The following C19orf25 variants were observed in gnomAD, a reference collection of about 807,000 sequenced individuals.
The protein encoded by C19orf25 is UPF0449 protein C19orf25.
In C19orf25, 1 loss-of-function variant was observed where a neutral mutation model predicts 3.1. That is an observed-to-expected ratio of 0.32 (90% CI 0.12 to 1.54). The LOEUF (loss-of-function observed/expected upper bound fraction) is 1.54, where lower values mean the gene tolerates loss of function less well. Among genes scored for constraint, C19orf25 ranks in the 40% most tolerant of loss-of-function variants. The pLI is 0.38. For missense variants in C19orf25, 196 were observed against 160.4 expected, an observed-to-expected ratio of 1.22 and a Z score of -1.20; for synonymous variants, 91 against 74.3, an observed-to-expected ratio of 1.23 and a Z score of -1.16.
At chr19:1,477,164 T>A (rs1275062567) in intron 2 of C19orf25, among the ~76,000 whole-genome samples, 1 of 152,124 alleles carries the variant, frequency 6.6e-6, no homozygotes, top group Non-Finnish European at 1.5e-5. Flanking sequence ...CATGCCCAGC[T>A]AATGTTTTTG....
rs768875897 is a variant in C19orf25, at chr19:1,478,801, G to T, written c.103C>A (p.Pro35Thr). 1 of 1,582,958 alleles carries T rather than the reference G, an allele frequency of 6.3e-7. No individual in the cohort carries two copies. Among genetic ancestry groups the T allele is most frequent in the Non-Finnish European group, 8.6e-7 (1 of 1,165,638 alleles). Residue 35 changes from proline (P) to threonine (T), a missense_variant, in exon 2 of 3, where the codon CCA becomes ACA. By Grantham distance (38) the Pro-to-Thr change is conservative. Transcript: ENST00000585675. ...TCCGGGGCCAGGATGGTGAACACTG[G>T]ATCCTCTGCCGGCGCACCCCGCACA... The part of the protein sequence containing the change: ...EDVRGAPAED[P>T]VFTILAPEDP...
In C19orf25 at chr19:1,473,482, C is replaced by G. The variant is rs1303390341; in HGVS notation, c.*1550G>C. 2.6e-5 allele frequency: 4 copies of G among 152,292 alleles called. No individual in the cohort carries two copies. The highest frequency in any genetic ancestry group is 9.6e-5 in the African/African-American group (4 of 41,464). The allele number at this position is 152,292 out of a possible 1,614,324, so 9.4% of individuals were successfully genotyped here. A position where few individuals can be genotyped will look rare whatever the true frequency, so the allele number is the denominator to read the frequency against. On this transcript the variant is annotated 3_prime_UTR_variant, in exon 3 of 3. Transcript: ENST00000585675. ...AGGGCAGGCTCCAGGGGGTGCACAG[C>G]ACCCCAGACAGGGGGTCCAACCTGG...
At chr19:1,478,319 C>A (rs773309983) in intron 2 of C19orf25, 1 of 232,222 alleles carries the variant, frequency 4.3e-6, no homozygotes, top group Non-Finnish European at 8.4e-6. Context: ...CGGCTCACTG[C>A]AAACTCTGCA....
chr19:1,475,473 G>A (rs1360932944), intron 2 of C19orf25: 1 of 569,698 alleles, frequency 1.8e-6, no homozygotes, highest in South Asian at 2.3e-5. Context: ...TTGAGCCCAA[G>A]AGTTAGAGAC....
In C19orf25 at chr19:1,473,234, C is replaced by T. The variant is rs1353024019; in HGVS notation, c.*1798G>A. ...TCGCACACATTTAATAAACTGAGCT[C>T]TTGCATTGCCTGCCGCCATCACCTC... On this transcript the variant is annotated 3_prime_UTR_variant, in exon 3 of 3. Transcript: ENST00000585675. The T allele has an allele frequency of 6.6e-6, 1 of 152,290 alleles. No homozygotes were observed. Among genetic ancestry groups the T allele is most frequent in the Non-Finnish European group, 1.5e-5 (1 of 68,066 alleles). The allele number at this position is 152,290 out of a possible 1,614,324, so 9.4% of individuals were successfully genotyped here.
intron 2 of C19orf25, chr19:1,475,949 CTG>C (rs1482208732): frequency 1.1e-5 from 4 of 365,056 alleles, no homozygotes; most frequent in Non-Finnish European, 1.9e-5. Context: ...CTCATTCCTG[CTG>C]TCTCTGGAAG....
chr19:1,476,251 C>G, intron 2 of C19orf25: 1 of 398,764 alleles, frequency 2.5e-6, no homozygotes, highest in Non-Finnish European at 4.4e-6. Context: ...GAAGGCTCCA[C>G]GTGCCGCACG....
intron 2 of C19orf25, 57 bp downstream of exon 2, chr19:1,478,717 G>A (rs1424109161): frequency 6.5e-6 from 10 of 1,533,552 alleles, no homozygotes; most frequent in Non-Finnish European, 8.8e-6. Flanking sequence ...CTTCTCTCCC[G>A]TCCCCTTGCT....
chr19:1,476,248 C>T (rs2084204370), intron 2 of C19orf25: 1 of 398,656 alleles, frequency 2.5e-6, no homozygotes, highest in Non-Finnish European at 4.4e-6. Context: ...GACGAAGGCT[C>T]CACGTGCCGC....
chr19:1,475,897 C>A (rs894751117), intron 2 of C19orf25: 42 of 290,350 alleles, frequency 1.4e-4, no homozygotes, highest in Non-Finnish European at 2.2e-4. Flanking sequence ...CTGCAAAAGC[C>A]GTGGCACCCA....
rs765421621 is a variant in C19orf25, at chr19:1,475,003, C to T, written c.*29G>A. On this transcript the variant is annotated 3_prime_UTR_variant, in exon 3 of 3. Transcript: ENST00000585675. ...AAGCCTGGGTGCAGGCCACCTTGTG[C>T]GCTGCCCAAGCCTGCAGGCCCCGAG... 24 of 1,553,038 alleles carry T rather than the reference C, an allele frequency of 1.5e-5. No individual in the cohort carries two copies. In the South Asian group the frequency reaches 1.8e-4, roughly 11 times the overall value.
At chr19:1,477,507 T>G (rs2084217404) in intron 2 of C19orf25, among the ~76,000 whole-genome samples, 1 of 152,256 alleles carries the variant, frequency 6.6e-6, no homozygotes, top group Non-Finnish European at 1.5e-5. Flanking sequence ...CTTTGGTCTC[T>G]GACTAGCTTC....
At chr19:1,476,966 G>A (rs1029653431) in intron 2 of C19orf25, among the ~76,000 whole-genome samples, 2 of 150,344 alleles carry the variant, frequency 1.3e-5, no homozygotes, top group Non-Finnish European at 3.0e-5. Context: ...GAAATTCACA[G>A]TTTCTATCAT....
At chr19:1,478,439 T>C (rs1283880611) in intron 2 of C19orf25, 3 of 542,062 alleles carry the variant, frequency 5.5e-6, no homozygotes, top group African/African-American at 2.0e-5. Flanking sequence ...GTTTTTGTTT[T>C]GTTTTTTCAT....
intron 2 of C19orf25, 136 bp from the exon 3 acceptor site, chr19:1,475,394 G>T: frequency 1.2e-6 from 1 of 862,346 alleles, no homozygotes; most frequent in Non-Finnish European, 1.8e-6. Flanking sequence ...TTAACATGAC[G>T]GATGCAGCCA....
chr19:1,478,695 G>T, intron 2 of C19orf25, 79 bp downstream of exon 2: 2 of 1,528,718 alleles, frequency 1.3e-6, no homozygotes, highest in Non-Finnish European at 1.8e-6. Flanking sequence ...GGGGTCAGGA[G>T]TTAGGGGTGT....
In C19orf25 at chr19:1,474,887, C is replaced by T. The variant is rs1280893911; in HGVS notation, c.*145G>A. 6.6e-7 allele frequency: 1 copy of T among 1,507,698 alleles called. No individual in the cohort carries two copies. The highest frequency in any genetic ancestry group is 8.9e-7 in the Non-Finnish European group (1 of 1,128,214). 93.4% of individuals were successfully genotyped at this position (1,507,698 alleles called of 1,614,324 possible). A position where few individuals can be genotyped will look rare whatever the true frequency, so the allele number is the denominator to read the frequency against. The stretch of plus-strand genomic sequence containing the variant: ...CATGAATGAGACGACGGATGAACCG[C>T]AGCCCCAGCATCAGGAGGGGCGCCT... On this transcript the variant is annotated 3_prime_UTR_variant, in exon 3 of 3. Transcript: ENST00000585675.
In C19orf25 at chr19:1,474,830, C is replaced by T. The variant is rs1032529810; in HGVS notation, c.*202G>A. 14 of 1,460,124 alleles carry T rather than the reference C, an allele frequency of 9.6e-6. No individual in the cohort carries two copies. The highest frequency in any genetic ancestry group is 7.4e-5 in the Admixed American group (3 of 40,796). 90.4% of individuals were successfully genotyped at this position (1,460,124 alleles called of 1,614,324 possible). A position where few individuals can be genotyped will look rare whatever the true frequency, so the allele number is the denominator to read the frequency against. ...AGTGGGGCCCTCAGGTCACGCAGGACGGAGCCAGCTGGGTGGGTCCCACCA... is the reference window on the plus strand; with the variant it reads ...AGTGGGGCCCTCAGGTCACGCAGGATGGAGCCAGCTGGGTGGGTCCCACCA... On this transcript the variant is annotated 3_prime_UTR_variant, in exon 3 of 3. Coordinates refer to ENST00000585675, the MANE Select transcript of C19orf25 (RefSeq NM_152482.3).
intron 2 of C19orf25, among the ~76,000 whole-genome samples, chr19:1,477,309 C>T (rs2084215267): frequency 6.6e-6 from 1 of 151,034 alleles, no homozygotes; most frequent in South Asian, 2.1e-4. Flanking sequence ...GCCGATTCAT[C>T]TTCATTTGTT....
Sources: allele counts gnomAD v4.1 joint callset (sites outside exome capture counted in the v4.1 genomes callset), GRCh38; gene constraint gnomAD v4.1.1; transcripts MANE v1.5; gene names NCBI Gene and HGNC (gene_info 2026-07-23, HGNC 2026-07-21).